Variants in LYZL4 observed in about 807,000 individuals in gnomAD.
The protein encoded by LYZL4 is lysozyme like 4.
Under a neutral mutation model 17.6 loss-of-function variants are expected in LYZL4, and 13 were observed. The ratio of observed to expected loss-of-function variants is 0.74; its 90% confidence interval spans 0.48 to 1.18. The LOEUF (loss-of-function observed/expected upper bound fraction) is 1.18, where lower values mean the gene tolerates loss of function less well. LYZL4 is among the 50% of genes most tolerant of loss of function. LYZL4 has a pLI of 0.00. For missense variants in LYZL4, 174 were observed against 188.2 expected (o/e 0.92, Z 0.44); for synonymous variants, 64 against 67.7 (o/e 0.95, Z 0.27).
chr3:42,408,439 C>G (rs1400647623), intron 1 of LYZL4, among the ~76,000 whole-genome samples: 1 of 152,204 alleles, frequency 6.6e-6, no homozygotes, highest in Non-Finnish European at 1.5e-5. Context: ...ATGCCTTTCC[C>G]CATTCAAATG....
At position 42,406,824 on chromosome 3, in the gene LYZL4, C is replaced by T. The variant is rs142019338; in HGVS notation, c.292+22G>A. ...CACCATAGCCTCCAGTGCCCCCGCA[C>T]GGAATGGAAAGAGGGACTTACCGGA... is the stretch of plus-strand genomic sequence containing the variant. On this transcript the variant is annotated intron_variant, in intron 3 of 4. Coordinates refer to ENST00000287748, the MANE Select transcript of LYZL4 (RefSeq NM_144634.4). The T allele has an allele frequency of 6.7e-4, 1,086 of 1,612,848 alleles. 5 individuals carry two copies. In the African/African-American group the frequency reaches 0.012, roughly 17 times the overall value.
At chr3:42,398,730 T>TTG (rs1221071343) in intron 4 of LYZL4, among the ~76,000 whole-genome samples, 1 of 152,176 alleles carries the variant, frequency 6.6e-6, no homozygotes, top group Non-Finnish European at 1.5e-5. Context: ...AGGGCTTAAT[T>TTG]TGTGTGTGTG....
chr3:42,406,061 G>C (rs968541125), intron 3 of LYZL4, among the ~76,000 whole-genome samples: 1 of 152,158 alleles, frequency 6.6e-6, no homozygotes, highest in African/African-American at 2.4e-5. Flanking sequence ...ACTTGGGACC[G>C]CCTAAGAGCA....
chr3:42,383,525 C>T, the LYZL4 span, among the ~76,000 whole-genome samples: 9 of 150,930 alleles, frequency 6.0e-5, no homozygotes, highest in Middle Eastern at 3.5e-3. Flanking sequence ...CTGAAAGCTC[C>T]AATCAGCTTC....
chr3:42,381,368 C>T, the LYZL4 span, among the ~76,000 whole-genome samples: 1 of 152,156 alleles, frequency 6.6e-6, no homozygotes, highest in Non-Finnish European at 1.5e-5. Context: ...AAGTCATCCC[C>T]TGCCCCCCAG....
At chr3:42,383,154 G>T in the LYZL4 span, among the ~76,000 whole-genome samples, 5 of 152,154 alleles carry the variant, frequency 3.3e-5, no homozygotes, top group Admixed American at 3.3e-4. Context: ...TAGGGCAGGA[G>T]TATTATACTG....
At chr3:42,371,175 T>TGCATCCTAGGCA in the LYZL4 span, among the ~76,000 whole-genome samples, 3 of 152,216 alleles carry the variant, frequency 2.0e-5, no homozygotes, top group African/African-American at 7.2e-5. Context: ...GCCCTAGTTG[T>TGCATCCTAGGCA]CCTAGTCTGG....
chr3:42,408,628 G>T (rs1293835886), intron 1 of LYZL4, among the ~76,000 whole-genome samples: 1 of 152,096 alleles, frequency 6.6e-6, no homozygotes, highest in Non-Finnish European at 1.5e-5. Flanking sequence ...TGTGCAATTG[G>T]AAATTGGAAC....
intron 4 of LYZL4, among the ~76,000 whole-genome samples, chr3:42,401,627 A>G (rs1385724564): frequency 6.6e-6 from 1 of 152,264 alleles, no homozygotes; most frequent in Non-Finnish European, 1.5e-5. Flanking sequence ...TGGAAAAGTC[A>G]TGGGAGTTAA....
At chr3:42,385,029 T>A in the LYZL4 span, among the ~76,000 whole-genome samples, 84 of 152,174 alleles carry the variant, frequency 5.5e-4, no homozygotes, top group African/African-American at 2.0e-3. Flanking sequence ...TATTTTGCTT[T>A]TTCTATTATG....
At chr3:42,386,758 AT>A in the LYZL4 span, among the ~76,000 whole-genome samples, 5 of 152,238 alleles carry the variant, frequency 3.3e-5, no homozygotes, top group African/African-American at 9.6e-5. Flanking sequence ...GTTGGCTCAG[AT>A]TTTTTTGGTT....
At chr3:42,398,155 T>G (rs1577150953) in intron 4 of LYZL4, among the ~76,000 whole-genome samples, 1 of 152,128 alleles carries the variant, frequency 6.6e-6, no homozygotes, top group South Asian at 2.1e-4. Flanking sequence ...CCCAAGGCTC[T>G]CCATAGCTCA....
chr3:42,369,181 T>C, the LYZL4 span, among the ~76,000 whole-genome samples: 3 of 152,254 alleles, frequency 2.0e-5, no homozygotes, highest in Admixed American at 1.3e-4. Context: ...AAGTTTCCTT[T>C]CTCAGTCAAA....
the LYZL4 span, among the ~76,000 whole-genome samples, chr3:42,385,106 CT>C: frequency 6.6e-6 from 1 of 151,650 alleles, no homozygotes; most frequent in Non-Finnish European, 1.5e-5. Flanking sequence ...AATGTTTTTC[CT>C]GTGATAATTA....
chr3:42,377,623 C>CTGTGTGTG, the LYZL4 span, among the ~76,000 whole-genome samples: 12 of 92,630 alleles, frequency 1.3e-4, no homozygotes, highest in South Asian at 3.9e-4. Flanking sequence ...ATGCATGACT[C>CTGTGTGTG]TCTGTGTGTG....
At chr3:42,385,264 G>A in the LYZL4 span, among the ~76,000 whole-genome samples, 3 of 151,968 alleles carry the variant, frequency 2.0e-5, no homozygotes. Flanking sequence ...TGGTCAACAA[G>A]TGGTGGTCCC....
Position 42,407,129 on chromosome 3 carries a change from G to A in LYZL4, c.123C>T (p.Gly41=). Residue 41 remains glycine, a synonymous_variant, in exon 2 of 5, where the codon GGC becomes GGT. Transcript: ENST00000287748. ...LHDGGLDYFE[G]YSLENWVCLA... is the part of the protein sequence containing the mutation. ...CCTACTCACAGTTCTCAAGGCTATAGCCCTCAAAATAATCCAGGCCTCCAT... is the reference window on the plus strand; with the variant it reads ...CCTACTCACAGTTCTCAAGGCTATAACCCTCAAAATAATCCAGGCCTCCAT... The A allele has an allele frequency of 6.2e-7, 1 of 1,614,190 alleles. No homozygotes were observed. Among genetic ancestry groups the A allele is most frequent in the Non-Finnish European group, 8.5e-7 (1 of 1,180,034 alleles).
the LYZL4 span, among the ~76,000 whole-genome samples, chr3:42,372,300 C>T: frequency 1.3e-5 from 2 of 152,130 alleles, no homozygotes; most frequent in Non-Finnish European, 2.9e-5. Flanking sequence ...TTGTCAGGTG[C>T]GAGTGATCAC....
intron 4 of LYZL4, among the ~76,000 whole-genome samples, chr3:42,397,610 T>A (rs1003579367): frequency 8.5e-5 from 13 of 152,174 alleles, no homozygotes; most frequent in African/African-American, 2.7e-4. Context: ...GAGGCTGAAC[T>A]GTGAACTGTG....
Sources: gnomAD v4.1 joint callset for allele counts (sites outside exome capture counted in the v4.1 genomes callset) on GRCh38, gnomAD v4.1.1 for gene constraint, MANE v1.5 for transcripts, NCBI Gene and HGNC (gene_info 2026-07-23, HGNC 2026-07-21) for gene names.